RIT2: variants seen among roughly 807,000 people sequenced by gnomAD.
The protein encoded by RIT2 is GTP-binding protein Rit2.
RIT2 carries 24 observed loss-of-function variants against 23.7 expected under a neutral mutation model. That is an observed-to-expected ratio of 1.01 (90% CI 0.73 to 1.43). The LOEUF (loss-of-function observed/expected upper bound fraction) is 1.43, where lower values mean the gene tolerates loss of function less well. Ranked by LOEUF, RIT2 falls within the 40% of genes most tolerant of loss-of-function variation. The pLI, the probability that RIT2 is intolerant of heterozygous loss-of-function variation, is 0.00. For missense variants in RIT2, 236 were observed against 266.9 expected (o/e 0.88, Z 0.81); for synonymous variants, 107 against 91.1 (o/e 1.17, Z -0.99).
At chr18:42,878,712 G>A (rs1333432504) in intron 4 of RIT2, among the ~76,000 whole-genome samples, 1 of 151,720 alleles carries the variant, frequency 6.6e-6, no homozygotes, top group African/African-American at 2.4e-5. Flanking sequence ...TATTCTTTTG[G>A]TGTAAATCTC....
intron 2 of RIT2, among the ~76,000 whole-genome samples, chr18:43,005,908 C>T (rs1056493968): frequency 2.0e-4 from 30 of 151,838 alleles, no homozygotes; most frequent in African/African-American, 7.2e-4. Flanking sequence ...GGGGGATTTA[C>T]ACACTGCAAT....
At chr18:43,033,024 T>A (rs549166010) in intron 2 of RIT2, among the ~76,000 whole-genome samples, 2 of 152,182 alleles carry the variant, frequency 1.3e-5, no homozygotes, top group Non-Finnish European at 2.9e-5. Context: ...AGGCAACCAG[T>A]CAGCCATGAG....
intron 1 of RIT2, among the ~76,000 whole-genome samples, chr18:43,074,460 C>A (rs568440673): frequency 1.3e-5 from 2 of 152,048 alleles, no homozygotes; most frequent in South Asian, 4.1e-4. Flanking sequence ...TATAAAATTC[C>A]GACTATGTTC....
chr18:42,984,000 T>C (rs145937392), intron 2 of RIT2, among the ~76,000 whole-genome samples: 203 of 152,218 alleles, frequency 1.3e-3, no homozygotes, highest in African/African-American at 2.3e-3. Context: ...AGAGCAACAA[T>C]TGCATTCTAT....
intron 4 of RIT2, among the ~76,000 whole-genome samples, chr18:42,824,497 A>G (rs1018724417): frequency 1.3e-5 from 2 of 152,034 alleles, no homozygotes; most frequent in Admixed American, 1.3e-4. Context: ...GATTCATTTC[A>G]TTGCTACTTT....
At chr18:42,845,392 C>T (rs953893579) in intron 4 of RIT2, among the ~76,000 whole-genome samples, 7 of 150,372 alleles carry the variant, frequency 4.7e-5, no homozygotes, top group Admixed American at 1.3e-4. Flanking sequence ...TTTATATGTT[C>T]TTATATATGT....
intron 1 of RIT2, among the ~76,000 whole-genome samples, chr18:43,054,507 G>A (rs1912454594): frequency 6.6e-6 from 1 of 152,034 alleles, no homozygotes; most frequent in Non-Finnish European, 1.5e-5. Context: ...TTACACACCA[G>A]AGGGTTCATT....
chr18:42,914,129 T>C (rs1908842671), intron 4 of RIT2, among the ~76,000 whole-genome samples: 1 of 152,042 alleles, frequency 6.6e-6, no homozygotes, highest in South Asian at 2.1e-4. Flanking sequence ...TAATGAGATA[T>C]CACTATATGC....
intron 1 of RIT2, among the ~76,000 whole-genome samples, chr18:43,034,559 A>G (rs1241844034): frequency 6.6e-6 from 1 of 152,172 alleles, no homozygotes; most frequent in African/African-American, 2.4e-5. Flanking sequence ...AAGCAAAACA[A>G]CAAACTTATA....
intron 2 of RIT2, among the ~76,000 whole-genome samples, chr18:43,023,764 C>T (rs1356901787): frequency 1.3e-5 from 2 of 151,616 alleles, no homozygotes; most frequent in Non-Finnish European, 2.9e-5. Context: ...TAGCTATATA[C>T]TAAATAAGAA....
intron 4 of RIT2, among the ~76,000 whole-genome samples, chr18:42,841,490 G>C (rs1381670748): frequency 6.6e-6 from 1 of 152,176 alleles, no homozygotes; most frequent in Admixed American, 6.5e-5. Flanking sequence ...TTGATGGTTT[G>C]CTTCTTTCAT....
intron 4 of RIT2, among the ~76,000 whole-genome samples, chr18:42,849,880 C>T (rs1055960676): frequency 6.6e-6 from 1 of 152,078 alleles, no homozygotes; most frequent in Non-Finnish European, 1.5e-5. Context: ...AAGGGAAAAG[C>T]CATTTCACCC....
At chr18:43,049,353 A>G (rs1162787262) in intron 1 of RIT2, among the ~76,000 whole-genome samples, 1 of 152,164 alleles carries the variant, frequency 6.6e-6, no homozygotes, top group Non-Finnish European at 1.5e-5. Flanking sequence ...AGAAGTCACA[A>G]TGACAGCTCT....
chr18:42,936,793 C>T (rs1909470230), intron 3 of RIT2, among the ~76,000 whole-genome samples: 1 of 152,038 alleles, frequency 6.6e-6, no homozygotes, highest in Non-Finnish European at 1.5e-5. Context: ...GGGTGGATCA[C>T]CTGAGATCAG....
chr18:42,867,471 ATCCT>A (rs1262368443), intron 4 of RIT2, among the ~76,000 whole-genome samples: 1 of 152,124 alleles, frequency 6.6e-6, no homozygotes, highest in Non-Finnish European at 1.5e-5. Context: ...GGCAATCAAT[ATCCT>A]AAAAAGTGCA....
intron 4 of RIT2, among the ~76,000 whole-genome samples, chr18:42,922,496 T>C (rs1324801799): frequency 2.6e-5 from 4 of 152,176 alleles, no homozygotes; most frequent in Admixed American, 1.3e-4. Flanking sequence ...AAATTAGATT[T>C]ACAAAAATTT....
At chr18:42,869,220 G>C (rs75345277) in intron 4 of RIT2, among the ~76,000 whole-genome samples, 3 of 152,126 alleles carry the variant, frequency 2.0e-5, no homozygotes, top group Admixed American at 2.0e-4. Context: ...CATATCAGGC[G>C]TTAGATTCTC....
At chr18:42,969,039 C>A (rs1267114162) in intron 3 of RIT2, among the ~76,000 whole-genome samples, 1 of 152,156 alleles carries the variant, frequency 6.6e-6, no homozygotes, top group African/African-American at 2.4e-5. Context: ...CTTGCATCGA[C>A]TCTTACTTAG....
chr18:42,822,599 A>G (rs1188715518), intron 4 of RIT2, among the ~76,000 whole-genome samples: 4 of 152,154 alleles, frequency 2.6e-5, no homozygotes. Context: ...GAGTGTCAAG[A>G]GACCTGCACC....
Sources: allele counts gnomAD v4.1 joint callset (sites outside exome capture counted in the v4.1 genomes callset), GRCh38; gene constraint gnomAD v4.1.1; transcripts MANE v1.5; gene names NCBI Gene and HGNC (gene_info 2026-07-23, HGNC 2026-07-21).